The following ADORA2B variants were observed in gnomAD, a reference collection of about 807,000 sequenced individuals.
ADORA2B encodes the protein adenosine receptor A2b.
A neutral mutation model predicts 20.8 loss-of-function variants in ADORA2B; 18 were observed. That is an observed-to-expected ratio of 0.87 (90% confidence interval 0.60 to 1.29). The LOEUF is 1.29. Among genes scored for constraint, ADORA2B ranks in the 50% most tolerant of loss-of-function variants. The pLI is 0.00. For missense variants in ADORA2B, 441 were observed against 422.7 expected (o/e 1.04, Z -0.38); for synonymous variants, 179 against 178.3 (o/e 1.00, Z -0.03).
At chr17:15,911,552 C>T in the ADORA2B span, among the ~76,000 whole-genome samples, 1 of 152,354 alleles carries the variant, frequency 6.6e-6, no homozygotes, top group South Asian at 2.1e-4. Flanking sequence ...ATACCAGCCC[C>T]TCTCCAGTGG....
At chr17:15,899,871 C>T in the ADORA2B span, among the ~76,000 whole-genome samples, 13 of 150,672 alleles carry the variant, frequency 8.6e-5, no homozygotes, top group Middle Eastern at 3.5e-3. Flanking sequence ...CTCTCTCTGT[C>T]GGCAGGCTGG....
At chr17:15,914,552 T>C in the ADORA2B span, among the ~76,000 whole-genome samples, 7 of 152,186 alleles carry the variant, frequency 4.6e-5, no homozygotes, top group Non-Finnish European at 1.0e-4. Flanking sequence ...TTGCAGCCAA[T>C]AATCATGTGC....
chr17:15,874,790 A>C, the ADORA2B span, among the ~76,000 whole-genome samples: 1,618 of 152,190 alleles, frequency 0.011, 37 homozygotes, highest in African/African-American at 0.037. Context: ...TTGTAAAATA[A>C]GTTCCTAGAA....
At chr17:15,965,047 T>G (rs1007990924) in intron 1 of ADORA2B, among the ~76,000 whole-genome samples, 2 of 149,004 alleles carry the variant, frequency 1.3e-5, no homozygotes, top group Non-Finnish European at 3.0e-5. Context: ...GCGACGGAGC[T>G]AGACTCTGTC....
the ADORA2B span, among the ~76,000 whole-genome samples, chr17:15,901,748 A>G: frequency 7.9e-5 from 12 of 152,274 alleles, no homozygotes; most frequent in Admixed American, 2.0e-4. Flanking sequence ...CAATTTATTC[A>G]TGGTATAATC....
At chr17:15,943,629 T>A (rs1969763820), upstream of ADORA2B, among the ~76,000 whole-genome samples, 1 of 152,232 alleles carries the variant, frequency 6.6e-6, no homozygotes, top group Non-Finnish European at 1.5e-5. Context: ...CATGTTGTCG[T>A]CATTACAGCT....
chr17:15,868,547 C>T, the ADORA2B span, among the ~76,000 whole-genome samples: 5 of 133,996 alleles, frequency 3.7e-5, no homozygotes, highest in East Asian at 2.1e-4. Flanking sequence ...CCGAGGCGGG[C>T]GGATAACAAG....
intron 1 of ADORA2B, among the ~76,000 whole-genome samples, chr17:15,954,618 T>C (rs1969944250): frequency 6.6e-6 from 1 of 152,204 alleles, no homozygotes; most frequent in Non-Finnish European, 1.5e-5. Flanking sequence ...AAATGTTTTT[T>C]TGGCCTGGTG....
chr17:15,862,043 C>T, the ADORA2B span, among the ~76,000 whole-genome samples: 1 of 151,948 alleles, frequency 6.6e-6, no homozygotes, highest in Non-Finnish European at 1.5e-5. Flanking sequence ...GAGTGTAAGT[C>T]TTTGTGTATA....
the ADORA2B span, among the ~76,000 whole-genome samples, chr17:15,869,334 A>AT: frequency 1.3e-5 from 2 of 149,758 alleles, no homozygotes; most frequent in African/African-American, 4.9e-5. Flanking sequence ...AATAATAATA[A>AT]TAATAATTAT....
chr17:15,868,080 C>G, the ADORA2B span, among the ~76,000 whole-genome samples: 5 of 145,428 alleles, frequency 3.4e-5, no homozygotes, highest in East Asian at 9.8e-4. Context: ...ACCCCCAATC[C>G]TGTGCTCTCT....
At chr17:15,910,782 G>T in the ADORA2B span, among the ~76,000 whole-genome samples, 1 of 152,132 alleles carries the variant, frequency 6.6e-6, no homozygotes, top group Non-Finnish European at 1.5e-5. Context: ...GAAAGGGCAG[G>T]AGCTCGGTCC....
At chr17:15,930,744 A>G in the ADORA2B span, among the ~76,000 whole-genome samples, 1 of 152,370 alleles carries the variant, frequency 6.6e-6, no homozygotes, top group Non-Finnish European at 1.5e-5. Context: ...AATGCTCACA[A>G]ACAGCAGGCC....
chr17:15,899,161 C>T, the ADORA2B span, among the ~76,000 whole-genome samples: 6,851 of 151,618 alleles, frequency 0.045, 380 homozygotes, highest in African/African-American at 0.13. Flanking sequence ...ACCTGGGAGG[C>T]GGAGGTTGCA....
At chr17:15,935,467 A>T in the ADORA2B span, among the ~76,000 whole-genome samples, 1 of 152,242 alleles carries the variant, frequency 6.6e-6, no homozygotes, top group Admixed American at 6.5e-5. Context: ...CTTTCTCCTG[A>T]TGCCCTGAAG....
At chr17:15,859,688 A>G in the ADORA2B span, among the ~76,000 whole-genome samples, 1 of 152,132 alleles carries the variant, frequency 6.6e-6, no homozygotes, top group South Asian at 2.1e-4. Context: ...GCATGCTCCT[A>G]TAGTCCTAGC....
chr17:15,937,614 C>T, the ADORA2B span, among the ~76,000 whole-genome samples: 1 of 151,464 alleles, frequency 6.6e-6, no homozygotes, highest in Non-Finnish European at 1.5e-5. Context: ...CTCTTGTTAC[C>T]CAGGCTGGAG....
At chr17:15,892,642 T>TTTTC in the ADORA2B span, among the ~76,000 whole-genome samples, 1 of 147,610 alleles carries the variant, frequency 6.8e-6, no homozygotes, top group Non-Finnish European at 1.5e-5. Flanking sequence ...TTTTTTCTTT[T>TTTTC]TTTCTTTCTT....
chr17:15,924,658 T>A, the ADORA2B span, among the ~76,000 whole-genome samples: 1 of 151,804 alleles, frequency 6.6e-6, no homozygotes, highest in Non-Finnish European at 1.5e-5. Context: ...GAGAATGGCG[T>A]GAACCCAGGA....
Sources: allele counts gnomAD v4.1 joint callset (sites outside exome capture counted in the v4.1 genomes callset), GRCh38; gene constraint gnomAD v4.1.1; transcripts MANE v1.5; gene names NCBI Gene and HGNC (gene_info 2026-07-23, HGNC 2026-07-21).